DDX10: variants seen among roughly 807,000 people sequenced by gnomAD.
DDX10 encodes the protein probable ATP-dependent RNA helicase DDX10.
Under a neutral mutation model 104.3 loss-of-function variants are expected in DDX10, and 74 were observed. That is an observed-to-expected ratio of 0.71 (90% CI 0.59 to 0.86). DDX10 has a LOEUF of 0.86. Ranked by LOEUF, DDX10 falls within the 40% of genes least tolerant of loss-of-function variation. The probability of loss-of-function intolerance (pLI) is 0.00; values close to 1 mark genes in which losing one functional copy is unlikely to be tolerated. For missense variants in DDX10, 952 were observed against 1,040.0 expected (o/e 0.92, Z 1.16); for synonymous variants, 351 against 353.4 (o/e 0.99, Z 0.08).
intron 17 of DDX10, chr11:108,919,589 A>G (rs965333791): frequency 1.3e-5 from 2 of 152,196 alleles, no homozygotes; most frequent in African/African-American, 4.8e-5. Context: ...ATTGTCTTCC[A>G]AGTGTTTCCA....
intron 9 of DDX10, among the ~76,000 whole-genome samples, chr11:108,695,648 T>C (rs1473647808): frequency 6.6e-6 from 1 of 152,194 alleles, no homozygotes; most frequent in Non-Finnish European, 1.5e-5. Flanking sequence ...GGTCACTTTT[T>C]GTTTCAGCTG....
chr11:108,746,302 G>A lies in DDX10; in HGVS notation c.1965+22840G>A, dbSNP rs1479525906. ...GACTTCAAATGGAATCACAGTAAGT[G>A]TCTTTTGTAACTGGATTCTTTCACT... On this transcript the variant is annotated intron_variant, in intron 13 of 17. Coordinates refer to ENST00000322536, the MANE Select transcript of DDX10 (RefSeq NM_004398.4). 2.0e-5 allele frequency among the ~76,000 whole-genome samples: 3 copies of A among 150,762 alleles called. No individual in the cohort carries two copies. In the East Asian group the frequency reaches 5.9e-4, roughly 29 times the overall value.
At chr11:108,884,428 G>A (rs958044083) in intron 16 of DDX10, among the ~76,000 whole-genome samples, 1 of 151,772 alleles carries the variant, frequency 6.6e-6, no homozygotes, top group African/African-American at 2.4e-5. Flanking sequence ...TCCCTCCTTC[G>A]TTTCTCACCT....
chr11:108,692,204 GTATCAGTGAAAA>G (rs1448348305), intron 8 of DDX10, among the ~76,000 whole-genome samples, 166 bp downstream of exon 8: 1 of 152,158 alleles, frequency 6.6e-6, no homozygotes, highest in East Asian at 1.9e-4. Flanking sequence ...CATTAAGGAT[GTATCAGTGAAAA>G]TTTCCACAGT....
chr11:108,778,677 T>A (rs549385791), intron 13 of DDX10, among the ~76,000 whole-genome samples: 98 of 152,040 alleles, frequency 6.4e-4, no homozygotes, highest in African/African-American at 2.0e-3. Flanking sequence ...TGGCAACAAA[T>A]GCCAAAATTG....
chr11:108,676,175 C>G (rs1246304190), intron 3 of DDX10, among the ~76,000 whole-genome samples: 2 of 152,186 alleles, frequency 1.3e-5, no homozygotes, highest in Non-Finnish European at 2.9e-5. Context: ...TGAGAATTTT[C>G]TGGGACATTG....
chr11:108,686,883 C>A (rs1348184056), intron 6 of DDX10, among the ~76,000 whole-genome samples: 2 of 152,064 alleles, frequency 1.3e-5, no homozygotes, highest in Admixed American at 1.3e-4. Flanking sequence ...CCCTCGGGTT[C>A]ATGCCATTCT....
intron 13 of DDX10, among the ~76,000 whole-genome samples, chr11:108,814,388 T>A (rs958107959): frequency 6.6e-5 from 10 of 152,320 alleles, no homozygotes; most frequent in South Asian, 4.1e-4. Context: ...TTGCTTTAGG[T>A]CCTAAATCAA....
intron 13 of DDX10, among the ~76,000 whole-genome samples, chr11:108,797,274 C>T (rs1390523875): frequency 2.0e-5 from 3 of 152,092 alleles, no homozygotes; most frequent in Non-Finnish European, 4.4e-5. Context: ...CCTCATGATC[C>T]GTCTGCCTCG....
chr11:108,868,712 G>A (rs1035672908), intron 16 of DDX10, among the ~76,000 whole-genome samples: 1 of 152,040 alleles, frequency 6.6e-6, no homozygotes. Flanking sequence ...AATGTTCTCT[G>A]ATATGGGCAA....
chr11:108,878,408 G>C (rs918755079), intron 16 of DDX10, among the ~76,000 whole-genome samples: 1 of 152,094 alleles, frequency 6.6e-6, no homozygotes, highest in Non-Finnish European at 1.5e-5. Flanking sequence ...GAAAGTTTTC[G>C]TGTCTTTTTT....
intron 12 of DDX10, 38 bp downstream of exon 12, chr11:108,719,923 A>T (rs774852734): frequency 8.3e-7 from 1 of 1,198,742 alleles, no homozygotes; most frequent in South Asian, 1.2e-5. Flanking sequence ...GTGAATCCTC[A>T]AGGTTAGAGG....
intron 6 of DDX10, among the ~76,000 whole-genome samples, chr11:108,682,696 A>G (rs2134443596): frequency 6.6e-6 from 1 of 152,286 alleles, no homozygotes; most frequent in South Asian, 2.1e-4. Flanking sequence ...ACTGTTTGCA[A>G]CATCAGTATT....
At chr11:108,676,522 T>C (rs1187092623) in intron 3 of DDX10, among the ~76,000 whole-genome samples, 1 of 152,190 alleles carries the variant, frequency 6.6e-6, no homozygotes, top group Non-Finnish European at 1.5e-5. Context: ...CTTGGCTCAC[T>C]GCAACCTCTG....
intron 9 of DDX10, among the ~76,000 whole-genome samples, chr11:108,693,819 G>A (rs1352231643): frequency 6.6e-6 from 1 of 152,128 alleles, no homozygotes; most frequent in Non-Finnish European, 1.5e-5. Context: ...AAACTTTCTT[G>A]TACTTTACTT....
intron 13 of DDX10, among the ~76,000 whole-genome samples, chr11:108,768,853 G>A (rs1029569407): frequency 2.6e-5 from 4 of 151,282 alleles, no homozygotes; most frequent in Non-Finnish European, 4.4e-5. Flanking sequence ...TTTTAATATG[G>A]TATTTAAAAA....
intron 13 of DDX10, among the ~76,000 whole-genome samples, chr11:108,824,449 CTTTTTATTTTTTA>C (rs1862369060): frequency 6.6e-6 from 1 of 152,080 alleles, no homozygotes. Flanking sequence ...AATGTTACTG[CTTTTTATTTTTTA>C]TTTTTATTTT....
intron 6 of DDX10, among the ~76,000 whole-genome samples, chr11:108,687,114 A>G (rs538490538): frequency 2.0e-5 from 3 of 152,302 alleles, no homozygotes; most frequent in East Asian, 1.9e-4. Flanking sequence ...AGAGACTGCT[A>G]TACTGTCTTC....
chr11:108,715,556 A>C (rs900444765), intron 10 of DDX10, among the ~76,000 whole-genome samples: 1 of 152,212 alleles, frequency 6.6e-6, no homozygotes, highest in Non-Finnish European at 1.5e-5. Context: ...ATTCCATTTC[A>C]TATAGAATGG....
Sources: allele counts gnomAD v4.1 joint callset (sites outside exome capture counted in the v4.1 genomes callset), GRCh38; gene constraint gnomAD v4.1.1; transcripts MANE v1.5; gene names NCBI Gene and HGNC (gene_info 2026-07-23, HGNC 2026-07-21).